Variants in IL1RAPL1 observed in about 807,000 individuals in gnomAD.
The protein encoded by IL1RAPL1 is interleukin-1 receptor accessory protein-like 1.
Under a neutral mutation model 48.4 loss-of-function variants are expected in IL1RAPL1, and 3 were observed. The observed-to-expected ratio is 0.06, with a 90% CI of 0.03 to 0.16. The LOEUF is 0.16. IL1RAPL1 is among the 10% of genes least tolerant of loss of function. The pLI is 1.00. For synonymous variants in IL1RAPL1, 185 were observed against 187.7 expected (o/e 0.99, Z 0.12); for missense variants, 349 against 530.6 (o/e 0.66, Z 3.36).
chrX:29,324,958 C>T (rs1042159256), intron 3 of IL1RAPL1, among the ~76,000 whole-genome samples: 1 of 111,976 alleles, frequency 8.9e-6, no homozygotes, highest in South Asian at 3.7e-4. Flanking sequence ...GAATATCTTA[C>T]AATAGCTATT....
chrX:29,529,527 G>A (rs916808740), intron 5 of IL1RAPL1, among the ~76,000 whole-genome samples: 9 of 107,183 alleles, frequency 8.4e-5, no homozygotes, highest in African/African-American at 1.7e-4. Flanking sequence ...GCTTGAACCC[G>A]GGAAGCAGAG....
chrX:29,369,908 G>T (rs192820049), intron 3 of IL1RAPL1: 1 of 111,609 alleles, frequency 9.0e-6, no homozygotes, highest in Non-Finnish European at 1.9e-5. Context: ...TTATTTATTC[G>T]CTGTCTCTCC....
At chrX:28,717,277 G>A (rs1272809552) in intron 1 of IL1RAPL1, among the ~76,000 whole-genome samples, 1 of 112,086 alleles carries the variant, frequency 8.9e-6, no homozygotes, top group Non-Finnish European at 1.9e-5. Context: ...ACTGGATAAA[G>A]AAAATGTAGT....
intron 2 of IL1RAPL1, among the ~76,000 whole-genome samples, chrX:29,016,609 ATGAT>A (rs1163423526): frequency 9.0e-6 from 1 of 111,225 alleles, no homozygotes; most frequent in Non-Finnish European, 1.9e-5. Context: ...TACATTGTGA[ATGAT>A]TGGTTCTTTC....
At chrX:29,219,237 G>A (rs773061164) in intron 2 of IL1RAPL1, among the ~76,000 whole-genome samples, 2 of 111,886 alleles carry the variant, frequency 1.8e-5, no homozygotes, top group South Asian at 7.4e-4. Flanking sequence ...CTCAAATCTA[G>A]ATAAAGTATT....
intron 6 of IL1RAPL1, among the ~76,000 whole-genome samples, chrX:29,911,311 G>A (rs1442601474): frequency 9.0e-6 from 1 of 111,667 alleles, no homozygotes; most frequent in East Asian, 2.8e-4. Flanking sequence ...AAGTAGATTC[G>A]TAGTTGCTAG....
intron 2 of IL1RAPL1, among the ~76,000 whole-genome samples, chrX:29,208,736 A>G (rs1298168608): frequency 1.2e-5 from 1 of 81,658 alleles, no homozygotes; most frequent in African/African-American, 5.0e-5. Flanking sequence ...TAATAATAAT[A>G]AATAAATAAA....
intron 2 of IL1RAPL1, among the ~76,000 whole-genome samples, chrX:28,914,831 T>C (rs1158260568): frequency 1.8e-5 from 2 of 112,694 alleles, no homozygotes; most frequent in Non-Finnish European, 3.7e-5. Context: ...GAACTTTCCA[T>C]TAATAAAAAC....
Position 29,511,726 on chromosome X carries a change from A to G in IL1RAPL1, c.703+112418A>G, listed in dbSNP as rs6628439. The stretch of plus-strand genomic sequence containing the variant: ...TATTCAGTAAACGAGCCAGATTTAC[A>G]TTACTGACAAATTGTATAATAATTT... On this transcript the variant is annotated intron_variant, in intron 5 of 10. Coordinates refer to ENST00000378993, the MANE Select transcript of IL1RAPL1 (RefSeq NM_014271.4). Among the ~76,000 whole-genome samples the G allele has an allele frequency of 4.5e-5, 5 of 111,542 alleles. No individual in the cohort carries two copies. In the East Asian group the frequency reaches 1.4e-3, roughly 31 times the overall value.
chrX:29,617,940 C>T (rs1569129214), intron 5 of IL1RAPL1, among the ~76,000 whole-genome samples: 2 of 111,688 alleles, frequency 1.8e-5, no homozygotes, highest in Admixed American at 9.6e-5. Flanking sequence ...TTCAGCGGCA[C>T]TGCAAACTAC....
intron 1 of IL1RAPL1, among the ~76,000 whole-genome samples, chrX:28,725,385 G>T (rs1415019829): frequency 8.9e-6 from 1 of 112,052 alleles, no homozygotes; most frequent in African/African-American, 3.2e-5. Flanking sequence ...GATAATTGCT[G>T]TATATCTTTC....
chrX:29,872,114 G>T (rs1288929163), intron 6 of IL1RAPL1, among the ~76,000 whole-genome samples: 2 of 111,895 alleles, frequency 1.8e-5, no homozygotes, highest in African/African-American at 6.5e-5. Context: ...GCAAGAAGAA[G>T]AATACATACC....
intron 1 of IL1RAPL1, among the ~76,000 whole-genome samples, chrX:28,595,126 TCAA>T (rs1473868665): frequency 1.8e-5 from 2 of 112,208 alleles, no homozygotes; most frequent in East Asian, 5.6e-4. Flanking sequence ...CATTTCTTCA[TCAA>T]CAGGGTCAGT....
rs1286766316 is a variant in IL1RAPL1 at position 29,683,279 on chromosome X, A to G, written c.778+14775A>G. 4.5e-5 allele frequency among the ~76,000 whole-genome samples: 5 copies of G among 112,172 alleles called. No individual in the cohort carries two copies. The East Asian group carries it at 1.4e-3, about 32-fold the overall frequency. ...CTTAACAAACAGACGACTGTCTACA[A>G]GGAGTTTATGTTATAATCTCGGTTA... On this transcript the variant is annotated intron_variant, in intron 6 of 10. Transcript: ENST00000378993.
intron 5 of IL1RAPL1, among the ~76,000 whole-genome samples, chrX:29,562,034 TTCTA>T (rs61324448): frequency 0.36 from 33,787 of 93,048 alleles, 5,263 homozygotes; most frequent in Admixed American, 0.43. Flanking sequence ...TCTTTTTCAA[TTCTA>T]TCTATCTATC....
chrX:29,605,609 AG>A (rs767445966), intron 5 of IL1RAPL1, among the ~76,000 whole-genome samples: 1 of 111,601 alleles, frequency 9.0e-6, no homozygotes, highest in South Asian at 3.8e-4. Context: ...CTACTTTTGA[AG>A]GAAGAAGATG....
chrX:28,816,872 G>A (rs1410239582), intron 2 of IL1RAPL1, among the ~76,000 whole-genome samples: 1 of 110,268 alleles, frequency 9.1e-6, no homozygotes, highest in Non-Finnish European at 1.9e-5. Context: ...CAGTATATAA[G>A]CATTCCCTTT....
chrX:28,754,814 T>G (rs1427905027), intron 1 of IL1RAPL1, among the ~76,000 whole-genome samples: 1 of 112,252 alleles, frequency 8.9e-6, no homozygotes, highest in Non-Finnish European at 1.9e-5. Flanking sequence ...AGAAAATTCC[T>G]TCGTGAATGA....
intron 2 of IL1RAPL1, among the ~76,000 whole-genome samples, chrX:29,119,393 A>G (rs750333168): frequency 1.8e-5 from 2 of 111,432 alleles, no homozygotes; most frequent in Non-Finnish European, 3.8e-5. Flanking sequence ...TTTTAAAATC[A>G]AATTAAGTGG....
Sources: gnomAD v4.1 joint callset for allele counts (sites outside exome capture counted in the v4.1 genomes callset) on GRCh38, gnomAD v4.1.1 for gene constraint, MANE v1.5 for transcripts, NCBI Gene and HGNC (gene_info 2026-07-23, HGNC 2026-07-21) for gene names.